The following TMEM156 variants were observed in gnomAD, a reference collection of about 807,000 sequenced individuals.
TMEM156 encodes the protein transmembrane protein 156.
In TMEM156, 28 loss-of-function variants were observed where a neutral mutation model predicts 30.5. That is an observed-to-expected ratio of 0.92 (90% CI 0.68 to 1.26). TMEM156 has a LOEUF of 1.26. Ranked by LOEUF, TMEM156 falls within the 50% of genes most tolerant of loss-of-function variation. TMEM156 has a pLI of 0.00. For synonymous variants in TMEM156, 137 were observed against 119.9 expected, an observed-to-expected ratio of 1.14 and a Z score of -0.93; for missense variants, 351 against 340.6, an observed-to-expected ratio of 1.03 and a Z score of -0.24.
rs942502955 is a variant in TMEM156 at position 39,002,741 on chromosome 4, G to A, written c.89-3832C>T. 1.2e-3 allele frequency among the ~76,000 whole-genome samples: 187 copies of A among 150,116 alleles called. 2 individuals carry two copies. The highest frequency in any genetic ancestry group is 3.4e-3 in the Middle Eastern group (1 of 292). ...GAGTTCATGTCTTTTGTAGGGACAT[G>A]GATGAAATTGGAAATCATCATTCTC... On this transcript the variant is annotated intron_variant, in intron 1 of 6. Coordinates refer to ENST00000381938, the MANE Select transcript of TMEM156 (RefSeq NM_024943.3).
intron 6 of TMEM156, among the ~76,000 whole-genome samples, chr4:38,968,620 G>A (rs922084732): frequency 6.6e-5 from 10 of 152,138 alleles, no homozygotes; most frequent in Non-Finnish European, 1.2e-4. Flanking sequence ...GAGAGGTCTC[G>A]AGCATAATAA....
At chr4:39,006,497 C>T (rs1176339263) in intron 1 of TMEM156, among the ~76,000 whole-genome samples, 1 of 152,054 alleles carries the variant, frequency 6.6e-6, no homozygotes, top group East Asian at 1.9e-4. Flanking sequence ...GTGAATTTAT[C>T]AACCACTTTC....
intron 1 of TMEM156, among the ~76,000 whole-genome samples, chr4:39,018,937 CTTGAATTTGGGAGGCA>C (rs1714678658): frequency 1.3e-5 from 2 of 150,258 alleles, no homozygotes; most frequent in Admixed American, 6.7e-5. Flanking sequence ...AGAAGAATCA[CTTGAATTTGGGAGGCA>C]AATGTTGCAG....
At chr4:39,007,418 T>C (rs1713816385) in intron 1 of TMEM156, among the ~76,000 whole-genome samples, 1 of 151,924 alleles carries the variant, frequency 6.6e-6, no homozygotes, top group Non-Finnish European at 1.5e-5. Context: ...CCTTTCTTTT[T>C]ATTTATTTAT....
chr4:39,030,038 G>T (rs1276071638), intron 1 of TMEM156, among the ~76,000 whole-genome samples: 1 of 151,950 alleles, frequency 6.6e-6, no homozygotes, highest in African/African-American at 2.4e-5. Flanking sequence ...CCCAAGTAGG[G>T]TTCCTTTGAA....
intron 1 of TMEM156, among the ~76,000 whole-genome samples, chr4:39,020,297 T>G (rs1355936855): frequency 1.3e-5 from 2 of 152,206 alleles, no homozygotes; most frequent in African/African-American, 4.8e-5. Context: ...ATCCGGACTA[T>G]TGTGAGTAAT....
chr4:38,974,209 T>C (rs78813193), intron 5 of TMEM156, among the ~76,000 whole-genome samples: 2,324 of 128,134 alleles, frequency 0.018, 54 homozygotes, highest in African/African-American at 0.065. Context: ...CTTTCTCTCT[T>C]TTTTTTTTTT....
At chr4:39,006,223 A>C (rs1367789768) in intron 1 of TMEM156, among the ~76,000 whole-genome samples, 1 of 152,168 alleles carries the variant, frequency 6.6e-6, no homozygotes, top group Non-Finnish European at 1.5e-5. Context: ...CATTCTGACC[A>C]GTGCTTTTCA....
chr4:39,012,097 A>G (rs1482041478), intron 1 of TMEM156, among the ~76,000 whole-genome samples: 2 of 152,208 alleles, frequency 1.3e-5, no homozygotes, highest in Non-Finnish European at 2.9e-5. Flanking sequence ...TGGGATCATT[A>G]GAAGCCCAAA....
intron 5 of TMEM156, among the ~76,000 whole-genome samples, chr4:38,975,282 T>C (rs1722792821): frequency 6.6e-6 from 1 of 152,086 alleles, no homozygotes; most frequent in South Asian, 2.1e-4. Context: ...TATTTTATTG[T>C]CATTAAGTAC....
At chr4:38,982,358 G>A (rs1711633364) in intron 5 of TMEM156, among the ~76,000 whole-genome samples, 2 of 152,178 alleles carry the variant, frequency 1.3e-5, no homozygotes, top group Non-Finnish European at 2.9e-5. Context: ...TCAGCCTAGA[G>A]TTACTTTTGC....
intron 1 of TMEM156, among the ~76,000 whole-genome samples, chr4:39,025,010 A>G (rs929842849): frequency 8.5e-5 from 13 of 152,202 alleles, no homozygotes; most frequent in African/African-American, 3.1e-4. Flanking sequence ...AGAGACATTC[A>G]TTAACATATG....
At chr4:39,031,665 C>A (rs929714384) in intron 1 of TMEM156, among the ~76,000 whole-genome samples, 14 of 152,064 alleles carry the variant, frequency 9.2e-5, no homozygotes, top group Non-Finnish European at 1.6e-4. Context: ...GTGGGTGGAT[C>A]ACAAGGTCAG....
chr4:38,984,349 CTGTGTGTGTGTGTGTG>C (rs34823853), intron 5 of TMEM156, among the ~76,000 whole-genome samples: 1 of 131,016 alleles, frequency 7.6e-6, no homozygotes, highest in African/African-American at 2.7e-5. Context: ...CTCTCTCTCT[CTGTGTGTGTGTGTGTG>C]TGTGTGTGTG....
intron 3 of TMEM156, among the ~76,000 whole-genome samples, chr4:38,993,263 C>T (rs1473783278): frequency 6.6e-6 from 1 of 151,958 alleles, no homozygotes; most frequent in Non-Finnish European, 1.5e-5. Context: ...GACCCCGTCT[C>T]TACTAAAAAT....
intron 5 of TMEM156, among the ~76,000 whole-genome samples, chr4:38,971,687 A>G (rs1354203906): frequency 6.6e-6 from 1 of 152,192 alleles, no homozygotes; most frequent in Non-Finnish European, 1.5e-5. Context: ...CCTAAGATCC[A>G]CGGTCTTGTT....
At chr4:39,031,565 G>T (rs1159645236) in intron 1 of TMEM156, among the ~76,000 whole-genome samples, 1 of 152,056 alleles carries the variant, frequency 6.6e-6, no homozygotes, top group Non-Finnish European at 1.5e-5. Context: ...CTTCATTAAA[G>T]AATTCCAAAA....
intron 3 of TMEM156, among the ~76,000 whole-genome samples, chr4:38,992,670 A>ATATATAATATAT (rs1412527105): frequency 3.4e-5 from 2 of 59,216 alleles, no homozygotes; most frequent in Non-Finnish European, 6.9e-5. Flanking sequence ...TGCTACATAT[A>ATATATAATATAT]TATATAATAT....
Position 38,972,242 on chromosome 4 carries a change from A to ATT in TMEM156, c.824-1107_824-1106dup, listed in dbSNP as rs144479056. On this transcript the variant is annotated intron_variant, in intron 5 of 6. Transcript: ENST00000381938. ...AAATACTGTAGAACCTTCTCTGGGA[A>ATT]TTTTTTTTTTTTTTTTTTTTTTTTT... is the stretch of plus-strand genomic sequence containing the variant. Among the ~76,000 whole-genome samples the ATT allele has an allele frequency of 9.9e-4, 75 of 75,860 alleles. 3 individuals carry two copies. The highest frequency in any genetic ancestry group is 2.6e-3 in the East Asian group (6 of 2,296). 49.8% of individuals were successfully genotyped at this position (75,860 alleles called of 152,430 possible).
Sources: gnomAD v4.1 joint callset for allele counts (sites outside exome capture counted in the v4.1 genomes callset) on GRCh38, gnomAD v4.1.1 for gene constraint, MANE v1.5 for transcripts, NCBI Gene and HGNC (gene_info 2026-07-23, HGNC 2026-07-21) for gene names.